TRAK1: variants seen among roughly 807,000 people sequenced by gnomAD.
TRAK1 encodes trafficking kinesin protein 1, also known as trafficking kinesin-binding protein 1.
A neutral mutation model predicts 92.1 loss-of-function variants in TRAK1; 33 were observed. The observed-to-expected ratio is 0.36, with a 90% CI of 0.27 to 0.48. TRAK1 has a LOEUF of 0.48. Ranked by LOEUF, TRAK1 falls within the 20% of genes least tolerant of loss-of-function variation. TRAK1 has a pLI of 0.99. For synonymous variants in TRAK1, 521 were observed against 517.3 expected (o/e 1.01, Z -0.10); for missense variants, 1,123 against 1,257.9 (o/e 0.89, Z 1.62).
intron 3 of TRAK1, among the ~76,000 whole-genome samples, chr3:42,184,475 C>T (rs922500363): frequency 6.6e-6 from 1 of 152,134 alleles, no homozygotes. Flanking sequence ...CTTCCCTTTC[C>T]TTGTGTGATG....
At chr3:42,166,522 C>G (rs1701892472) in intron 2 of TRAK1, among the ~76,000 whole-genome samples, 1 of 152,176 alleles carries the variant, frequency 6.6e-6, no homozygotes, top group African/African-American at 2.4e-5. Flanking sequence ...ACTGGCCTTT[C>G]TGTCTGGTTT....
At chr3:42,029,190 C>T (rs1419787316) in intron 1 of TRAK1, among the ~76,000 whole-genome samples, 1 of 152,186 alleles carries the variant, frequency 6.6e-6, no homozygotes, top group Non-Finnish European at 1.5e-5. Context: ...TCCCACCAGG[C>T]CCCACCTCCA....
chr3:42,022,730 A>C (rs1311786529), intron 1 of TRAK1, among the ~76,000 whole-genome samples: 4 of 24,718 alleles, frequency 1.6e-4, no homozygotes, highest in Non-Finnish European at 1.7e-3. Flanking sequence ...TTAAAAAAAA[A>C]AAAACAAAAA....
intron 1 of TRAK1, among the ~76,000 whole-genome samples, chr3:42,060,171 G>A (rs1246480093): frequency 1.3e-5 from 2 of 152,240 alleles, no homozygotes; most frequent in East Asian, 3.9e-4. Flanking sequence ...CATCCACATG[G>A]AGCTTACATT....
intron 1 of TRAK1, among the ~76,000 whole-genome samples, chr3:42,069,396 A>G (rs970248180): frequency 6.6e-6 from 1 of 151,898 alleles, no homozygotes; most frequent in Admixed American, 6.6e-5. Context: ...AGCTGTCAAC[A>G]GGGGAGGGCT....
chr3:42,209,360 A>G (rs1402570300), intron 13 of TRAK1, among the ~76,000 whole-genome samples: 1 of 152,140 alleles, frequency 6.6e-6, no homozygotes, highest in East Asian at 1.9e-4. Flanking sequence ...TTGGCATAGA[A>G]TACGTACATG....
chr3:42,134,388 C>T (rs1001820067), intron 2 of TRAK1, among the ~76,000 whole-genome samples: 22 of 151,400 alleles, frequency 1.5e-4, no homozygotes, highest in African/African-American at 4.9e-4. Flanking sequence ...AGTGATCCTT[C>T]TGTCTCAGCC....
At chr3:42,029,279 C>T (rs1345251695) in intron 1 of TRAK1, among the ~76,000 whole-genome samples, 1 of 152,206 alleles carries the variant, frequency 6.6e-6, no homozygotes, top group African/African-American at 2.4e-5. Flanking sequence ...TGCTCTGTCA[C>T]CCAGGCTGGC....
intron 1 of TRAK1, among the ~76,000 whole-genome samples, chr3:42,017,546 G>C (rs1701572854): frequency 6.6e-6 from 1 of 152,054 alleles, no homozygotes; most frequent in Admixed American, 6.6e-5. Context: ...TGTCTTCTTA[G>C]ATGTATCTAA....
intron 1 of TRAK1, among the ~76,000 whole-genome samples, chr3:42,111,182 GAGA>G (rs1708347297): frequency 6.6e-6 from 1 of 152,092 alleles, no homozygotes; most frequent in South Asian, 2.1e-4. Flanking sequence ...CAGAAAATCT[GAGA>G]CGGTGAAAAA....
At chr3:42,219,042 A>G (rs942608116) in intron 14 of TRAK1, 2 of 985,320 alleles carry the variant, frequency 2.0e-6, no homozygotes, top group African/African-American at 3.5e-5. Flanking sequence ...GCAGGTTTCA[A>G]GTGCCTCTCC....
chr3:42,210,963 G>A (rs1286678036), intron 14 of TRAK1: 3 of 985,280 alleles, frequency 3.0e-6, no homozygotes, highest in Non-Finnish European at 3.6e-6. Context: ...GGATCACATG[G>A]TTACTGTTTA....
intron 2 of TRAK1, among the ~76,000 whole-genome samples, chr3:42,173,451 A>G (rs1214096191): frequency 6.6e-6 from 1 of 152,162 alleles, no homozygotes. Context: ...TTCTTGGAAC[A>G]GGAAATCTAA....
intron 1 of TRAK1, among the ~76,000 whole-genome samples, chr3:42,016,020 G>A (rs1355741238): frequency 3.9e-5 from 6 of 152,058 alleles, no homozygotes; most frequent in Non-Finnish European, 8.8e-5. Context: ...CAGGGCGACA[G>A]AGCAAGACCC....
chr3:42,184,906 C>T, intron 4 of TRAK1, 105 bp downstream of exon 4: 3 of 1,137,178 alleles, frequency 2.6e-6, no homozygotes, highest in Admixed American at 2.1e-5. Context: ...TGGAAGGACG[C>T]TCCCGAGGGC....
chr3:42,158,681 C>A (rs187151221), intron 2 of TRAK1, among the ~76,000 whole-genome samples: 1 of 150,040 alleles, frequency 6.7e-6, no homozygotes, highest in African/African-American at 2.5e-5. Context: ...TGGTGGTTCA[C>A]GCCTGTAATC....
intron 1 of TRAK1, among the ~76,000 whole-genome samples, chr3:42,023,744 GTTTTTTTTTTTTTTTTT>G (rs780080581): frequency 1.0e-5 from 1 of 99,054 alleles, no homozygotes; most frequent in South Asian, 3.9e-4. Context: ...GCTCGTGAGG[GTTTTTTTTTTTTTTTTT>G]TTTTTTTTTT....
At chr3:42,091,157 A>G (rs35981719), upstream of TRAK1, 2 of 308,242 alleles carry the variant, frequency 6.5e-6, no homozygotes, top group East Asian at 1.7e-4. Flanking sequence ...GCAAAACCGA[A>G]TGCCCATCAC....
intron 1 of TRAK1, among the ~76,000 whole-genome samples, chr3:42,094,090 G>GA (rs1030536230): frequency 4.6e-4 from 70 of 151,122 alleles, no homozygotes; most frequent in African/African-American, 1.5e-3. Flanking sequence ...ATTATAATAG[G>GA]AAAAAAAAAT....
Sources: gnomAD v4.1 joint callset for allele counts (sites outside exome capture counted in the v4.1 genomes callset) on GRCh38, gnomAD v4.1.1 for gene constraint, MANE v1.5 for transcripts, NCBI Gene and HGNC (gene_info 2026-07-23, HGNC 2026-07-21) for gene names.